ISM1: variants seen among roughly 807,000 people sequenced by gnomAD.
The protein encoded by ISM1 is isthmin-1.
Under a neutral mutation model 46.3 loss-of-function variants are expected in ISM1, and 25 were observed. The ratio of observed to expected loss-of-function variants is 0.54; its 90% CI spans 0.39 to 0.75. The LOEUF is 0.75. Ranked by LOEUF, ISM1 falls within the 30% of genes least tolerant of loss-of-function variation. ISM1 has a pLI of 0.00. For missense variants in ISM1, 536 were observed against 625.4 expected (o/e 0.86, Z 1.52); for synonymous variants, 255 against 256.7 (o/e 0.99, Z 0.06).
At chr20:13,274,954 C>G (rs1222900897) in intron 2 of ISM1, among the ~76,000 whole-genome samples, 2 of 152,204 alleles carry the variant, frequency 1.3e-5, no homozygotes, top group African/African-American at 2.4e-5. Flanking sequence ...AAACAAAAAT[C>G]ATTCAGGAAA....
intron 1 of ISM1, among the ~76,000 whole-genome samples, chr20:13,227,988 G>A (rs1600477497): frequency 7.9e-6 from 1 of 126,770 alleles, no homozygotes; most frequent in African/African-American, 3.0e-5. Context: ...TTTTTGAGAT[G>A]GAGTCTAGCT....
chr20:13,253,726 A>G (rs1286395466), intron 1 of ISM1, among the ~76,000 whole-genome samples: 4 of 152,250 alleles, frequency 2.6e-5, no homozygotes, highest in Admixed American at 2.6e-4. Context: ...CCATTTTGAG[A>G]ACACATGAAT....
intron 1 of ISM1, among the ~76,000 whole-genome samples, chr20:13,257,843 C>A (rs1042467511): frequency 7.2e-5 from 11 of 152,070 alleles, no homozygotes; most frequent in African/African-American, 2.7e-4. Flanking sequence ...ATTCTGGAGC[C>A]GAGCAGCATT....
At chr20:13,314,185 G>C in the ISM1 span, among the ~76,000 whole-genome samples, 1 of 152,118 alleles carries the variant, frequency 6.6e-6, no homozygotes, top group Non-Finnish European at 1.5e-5. Flanking sequence ...ACAAGAAGGA[G>C]AAGAAAGAGC....
chr20:13,308,283 T>C, the ISM1 span, among the ~76,000 whole-genome samples: 1 of 152,196 alleles, frequency 6.6e-6, no homozygotes, highest in South Asian at 2.1e-4. Flanking sequence ...ATGCTTGTAA[T>C]ACAATGTAAA....
chr20:13,300,382 C>T lies in ISM1; in HGVS notation c.*923C>T, dbSNP rs2040447630. On this transcript the variant is annotated 3_prime_UTR_variant, in exon 6 of 6. Coordinates refer to ENST00000262487, the MANE Select transcript of ISM1 (RefSeq NM_080826.2). ...AATACTATTTTAACAATTTTTTCATCTACCAATATATCCCCAATAAATAAA... is the reference window on the plus strand; with the variant it reads ...AATACTATTTTAACAATTTTTTCATTTACCAATATATCCCCAATAAATAAA... 2 of 152,018 alleles carry T rather than the reference C, an allele frequency of 1.3e-5. No individual in the cohort carries two copies. Among genetic ancestry groups the T allele is most frequent in the South Asian group, 2.1e-4 (1 of 4,824 alleles). 9.4% of individuals were successfully genotyped at this position (152,018 alleles called of 1,614,324 possible). A position where few individuals can be genotyped will look rare whatever the true frequency, so the allele number is the denominator to read the frequency against.
chr20:13,230,092 G>A (rs2039572054), intron 1 of ISM1, among the ~76,000 whole-genome samples: 1 of 152,088 alleles, frequency 6.6e-6, no homozygotes, highest in Admixed American at 6.5e-5. Flanking sequence ...TAATCTTTGA[G>A]GTTTGGGGGC....
intron 1 of ISM1, among the ~76,000 whole-genome samples, chr20:13,262,830 C>T (rs2040002788): frequency 1.3e-5 from 2 of 152,306 alleles, no homozygotes; most frequent in African/African-American, 4.8e-5. Flanking sequence ...TACCCAAATG[C>T]AAAGAGTTGC....
chr20:13,234,217 C>T (rs374957038), intron 1 of ISM1, among the ~76,000 whole-genome samples: 5 of 152,262 alleles, frequency 3.3e-5, no homozygotes, highest in East Asian at 1.9e-4. Context: ...ACGTGGTATT[C>T]GACTTTCTGT....
intron 1 of ISM1, among the ~76,000 whole-genome samples, chr20:13,226,099 C>A (rs910634994): frequency 1.3e-5 from 2 of 152,130 alleles, no homozygotes; most frequent in African/African-American, 4.8e-5. Flanking sequence ...TTATAAAACA[C>A]CAATTTGATT....
chr20:13,258,382 C>T (rs1029631661), intron 1 of ISM1, among the ~76,000 whole-genome samples: 1 of 152,106 alleles, frequency 6.6e-6, no homozygotes, highest in South Asian at 2.1e-4. Flanking sequence ...CTCTCCCTGG[C>T]TTTACTGGCC....
intron 1 of ISM1, among the ~76,000 whole-genome samples, chr20:13,226,131 C>T (rs1237109917): frequency 6.6e-6 from 1 of 152,076 alleles, no homozygotes; most frequent in Non-Finnish European, 1.5e-5. Flanking sequence ...AACATTAAAG[C>T]AAACCAAACT....
the ISM1 span, among the ~76,000 whole-genome samples, chr20:13,307,778 C>T: frequency 6.6e-6 from 1 of 152,232 alleles, no homozygotes; most frequent in African/African-American, 2.4e-5. Flanking sequence ...GTCATTCATG[C>T]TTATCACATT....
intron 1 of ISM1, among the ~76,000 whole-genome samples, chr20:13,223,707 G>T (rs150103764): frequency 1.3e-3 from 192 of 152,288 alleles, no homozygotes; most frequent in African/African-American, 4.4e-3. Context: ...CAGACTGAGG[G>T]AATTTCTATG....
At chr20:13,263,233 C>G (rs927995220) in intron 1 of ISM1, among the ~76,000 whole-genome samples, 2 of 152,164 alleles carry the variant, frequency 1.3e-5, no homozygotes, top group African/African-American at 4.8e-5. Context: ...ATGAGAGCAG[C>G]AGCTGGTCAG....
At chr20:13,264,083 C>T (rs1251638707) in intron 1 of ISM1, among the ~76,000 whole-genome samples, 2 of 152,088 alleles carry the variant, frequency 1.3e-5, no homozygotes, top group Admixed American at 6.5e-5. Context: ...TAACTTTAGC[C>T]ATCATTATCA....
chr20:13,310,539 A>G, the ISM1 span, among the ~76,000 whole-genome samples: 1 of 152,238 alleles, frequency 6.6e-6, no homozygotes, highest in African/African-American at 2.4e-5. Context: ...CTGCCCAAAT[A>G]TGTAGGCAAC....
the ISM1 span, among the ~76,000 whole-genome samples, chr20:13,305,755 A>G: frequency 6.6e-6 from 1 of 152,244 alleles, no homozygotes; most frequent in Non-Finnish European, 1.5e-5. Context: ...TCAGAAGGTA[A>G]GATTTTTAAG....
intron 2 of ISM1, among the ~76,000 whole-genome samples, chr20:13,274,629 G>C (rs1032941610): frequency 3.3e-5 from 5 of 152,142 alleles, no homozygotes; most frequent in Admixed American, 2.0e-4. Flanking sequence ...ACATCGCTAA[G>C]CCCATGCAAG....
Sources: gnomAD v4.1 joint callset for allele counts (sites outside exome capture counted in the v4.1 genomes callset) on GRCh38, gnomAD v4.1.1 for gene constraint, MANE v1.5 for transcripts, NCBI Gene and HGNC (gene_info 2026-07-23, HGNC 2026-07-21) for gene names.